Variants in STRN observed in about 807,000 individuals in gnomAD.
STRN encodes striatin.
In STRN, 53 loss-of-function variants were observed where a neutral mutation model predicts 96.3. The observed-to-expected ratio is 0.55, with a 90% confidence interval of 0.44 to 0.69. STRN has a LOEUF of 0.69. STRN is among the 30% of genes least tolerant of loss of function. STRN has a pLI of 0.00. For missense variants in STRN, 987 were observed against 963.9 expected (o/e 1.02, Z -0.32); for synonymous variants, 428 against 355.9 (o/e 1.20, Z -2.28).
In STRN at chr2:36,847,727, A is replaced by G. The variant is rs1168839321; in HGVS notation, c.*1729T>C. The G allele has an allele frequency of 6.6e-6, 1 of 152,198 alleles. No homozygotes were observed. The highest frequency in any genetic ancestry group is 6.6e-5 in the Admixed American group (1 of 15,262). The allele number at this position is 152,198 out of a possible 1,614,324, so 9.4% of individuals were successfully genotyped here. On this transcript the variant is annotated 3_prime_UTR_variant, in exon 18 of 18. Coordinates refer to ENST00000263918, the MANE Select transcript of STRN (RefSeq NM_003162.4). ...TGTATAATGCAGAATTCTAGAGGCAAACAGGCAGAAATTTTACAGAAATAT... is the reference window on the plus strand; with the variant it reads ...TGTATAATGCAGAATTCTAGAGGCAGACAGGCAGAAATTTTACAGAAATAT...
intron 1 of STRN, among the ~76,000 whole-genome samples, chr2:36,936,873 A>T (rs1220200216): frequency 1.3e-5 from 2 of 152,192 alleles, no homozygotes; most frequent in Non-Finnish European, 2.9e-5. Flanking sequence ...GAATTTTCAG[A>T]ATAAAGCATG....
chr2:36,869,260 G>C (rs1309506897), intron 11 of STRN, among the ~76,000 whole-genome samples: 1 of 152,176 alleles, frequency 6.6e-6, no homozygotes, highest in African/African-American at 2.4e-5. Context: ...CTTCAGTATA[G>C]ACAAGGGGCT....
chr2:36,893,784 G>C (rs576988807), intron 7 of STRN, 114 bp downstream of exon 7: 3 of 1,322,496 alleles, frequency 2.3e-6, no homozygotes, highest in African/African-American at 1.5e-5. Context: ...GTAGTAATAA[G>C]TTCACAGAAT....
chr2:36,886,750 G>A lies in STRN; in HGVS notation c.1008C>T (p.Tyr336=), dbSNP rs760911462. ...CCTTTTTCCCCTTTCTCTCCTTTTTGTATTGTTCCTTGAGTTTGGTAATTA... is the reference window on the plus strand; with the variant it reads ...CCTTTTTCCCCTTTCTCTCCTTTTTATATTGTTCCTTGAGTTTGGTAATTA... The part of the protein sequence containing the change: ...QGVITKLKEQ[Y]KKERKGKKGV... Residue 336 remains tyrosine, a synonymous_variant, in exon 8 of 18, where the codon TAC becomes TAT. Transcript: ENST00000263918. The A allele has an allele frequency of 3.1e-6, 5 of 1,610,786 alleles. No homozygotes were observed. In the East Asian group the frequency reaches 9.0e-5, roughly 29 times the overall value.
intron 9 of STRN, among the ~76,000 whole-genome samples, chr2:36,880,814 A>G (rs1054607911): frequency 5.3e-5 from 8 of 152,204 alleles, no homozygotes; most frequent in Non-Finnish European, 1.2e-4. Flanking sequence ...GATTCCTAGG[A>G]TAGACCATAT....
rs1040061563 is a variant in STRN, at chr2:36,848,013, A to G, written c.*1443T>C. ...TCTGTCATTTGGGACAAAGAGTAAG[A>G]GAGACATAAACCACTATAGAAATAA... On this transcript the variant is annotated 3_prime_UTR_variant, in exon 18 of 18. Coordinates refer to ENST00000263918, the MANE Select transcript of STRN (RefSeq NM_003162.4). The G allele has an allele frequency of 1.3e-5, 2 of 152,226 alleles. No homozygotes were observed. The highest frequency in any genetic ancestry group is 2.1e-4 in the South Asian group (1 of 4,828). The allele number at this position is 152,226 out of a possible 1,614,324, so 9.4% of individuals were successfully genotyped here. A position where few individuals can be genotyped will look rare whatever the true frequency, so the allele number is the denominator to read the frequency against.
Position 36,855,219 on chromosome 2 carries a change from T to C in STRN, c.1971A>G (p.Val657=). Residue 657 remains valine (V), a synonymous_variant, in exon 15 of 18, where the codon GTA becomes GTG. Transcript: ENST00000263918. ...TAAAATTGGTATGCATACTTGTATC[T>C]ACATTGGATTCTAAAGTGAGAATGC... ...QQRILTLESN[V]DTTANSSCQI... is the part of the protein sequence containing the mutation. The C allele has an allele frequency of 1.2e-6, 2 of 1,613,590 alleles. No individual in the cohort carries two copies. Among genetic ancestry groups the C allele is most frequent in the Non-Finnish European group, 1.7e-6 (2 of 1,179,694 alleles).
rs190392886 is a variant in STRN, at chr2:36,899,417, G to T, written c.795+106C>A. The T allele has an allele frequency of 1.4e-5, 15 of 1,110,140 alleles. No homozygotes were observed. The South Asian group carries it at 2.1e-4, about 15-fold the overall frequency. The allele number at this position is 1,110,140 out of a possible 1,614,324, so 68.8% of individuals were successfully genotyped here. On this transcript the variant is annotated intron_variant, in intron 6 of 17. Coordinates refer to ENST00000263918, the MANE Select transcript of STRN (RefSeq NM_003162.4). ...TAAATGTCTCCAAATTCATGAAAAA[G>T]AAAAAGCTACGGGTTAAGATTAAAG... is the stretch of plus-strand genomic sequence containing the variant.
At chr2:36,964,669 T>A (rs1230896666) in intron 1 of STRN, among the ~76,000 whole-genome samples, 3 of 152,226 alleles carry the variant, frequency 2.0e-5, no homozygotes, top group Non-Finnish European at 4.4e-5. Flanking sequence ...CAGCTGCTCA[T>A]TTGTCATCTC....
chr2:36,909,709 T>C (rs941563783), intron 3 of STRN, among the ~76,000 whole-genome samples: 2 of 152,034 alleles, frequency 1.3e-5, no homozygotes, highest in African/African-American at 2.4e-5. Flanking sequence ...ATAAGAAATA[T>C]GTAGAGAGGG....
intron 1 of STRN, among the ~76,000 whole-genome samples, chr2:36,938,100 A>C (rs1388606276): frequency 6.6e-6 from 1 of 152,214 alleles, no homozygotes; most frequent in African/African-American, 2.4e-5. Flanking sequence ...AAGTGTTATC[A>C]TGCAGAAGGA....
At chr2:36,915,384 C>T (rs1670069936) in intron 3 of STRN, among the ~76,000 whole-genome samples, 2 of 150,686 alleles carry the variant, frequency 1.3e-5, no homozygotes, top group Non-Finnish European at 3.0e-5. Context: ...ACGTACCTAT[C>T]TGAAACATGG....
At chr2:36,900,284 A>T (rs1669648772) in intron 5 of STRN, among the ~76,000 whole-genome samples, 1 of 152,172 alleles carries the variant, frequency 6.6e-6, no homozygotes, top group Non-Finnish European at 1.5e-5. Context: ...TTTCATTTTA[A>T]AAATATTTTT....
intron 2 of STRN, 123 bp from the exon 3 acceptor site, chr2:36,916,274 T>G (rs1390008433): frequency 1.3e-6 from 1 of 774,010 alleles, no homozygotes; most frequent in Non-Finnish European, 2.1e-6. Flanking sequence ...CAAAGGCTCA[T>G]AGCTTTCCAT....
chr2:36,942,771 C>T (rs1305128747), intron 1 of STRN, among the ~76,000 whole-genome samples: 2 of 152,134 alleles, frequency 1.3e-5, no homozygotes, highest in African/African-American at 2.4e-5. Flanking sequence ...TCTCAGCTCA[C>T]TGCAACCTCC....
At chr2:36,916,717 T>A (rs1447152656) in intron 2 of STRN, among the ~76,000 whole-genome samples, 2 of 152,178 alleles carry the variant, frequency 1.3e-5, no homozygotes, top group African/African-American at 4.8e-5. Context: ...AATTTTTTTA[T>A]ACTAGTCAAG....
At chr2:36,910,570 C>T (rs1669940359) in intron 3 of STRN, among the ~76,000 whole-genome samples, 1 of 151,890 alleles carries the variant, frequency 6.6e-6, no homozygotes, top group Non-Finnish European at 1.5e-5. Context: ...CCTTGTAAGC[C>T]CTAAAGCAAT....
intron 1 of STRN, among the ~76,000 whole-genome samples, chr2:36,946,794 T>C (rs1275752874): frequency 1.3e-5 from 2 of 152,196 alleles, no homozygotes; most frequent in African/African-American, 4.8e-5. Context: ...CAATTCCAAA[T>C]AAGAACTAAA....
chr2:36,873,708 G>A (rs1226220914), intron 10 of STRN, among the ~76,000 whole-genome samples: 1 of 152,118 alleles, frequency 6.6e-6, no homozygotes, highest in African/African-American at 2.4e-5. Context: ...ACTTTGGGAG[G>A]CTGAGGTGCG....
Sources: allele counts gnomAD v4.1 joint callset (sites outside exome capture counted in the v4.1 genomes callset), GRCh38; gene constraint gnomAD v4.1.1; transcripts MANE v1.5; gene names NCBI Gene and HGNC (gene_info 2026-07-23, HGNC 2026-07-21).